The following COL21A1 variants were observed in gnomAD, a reference collection of about 807,000 sequenced individuals.
COL21A1 encodes collagen type XXI alpha 1 chain.
COL21A1 carries 149 observed loss-of-function variants against 137.9 expected under a neutral mutation model. The ratio of observed to expected loss-of-function variants is 1.08; its 90% CI spans 0.95 to 1.24. The LOEUF is 1.24. Ranked by LOEUF, COL21A1 falls within the 50% of genes most tolerant of loss-of-function variation. The pLI, the probability that COL21A1 is intolerant of heterozygous loss-of-function variation, is 0.00. For synonymous variants in COL21A1, 456 were observed against 391.5 expected, an observed-to-expected ratio of 1.16 and a Z score of -1.95; for missense variants, 1,167 against 1,158.4, an observed-to-expected ratio of 1.01 and a Z score of -0.11.
chr6:56,159,225 C>T (rs1247226768), intron 9 of COL21A1, among the ~76,000 whole-genome samples: 2 of 152,102 alleles, frequency 1.3e-5, no homozygotes, highest in African/African-American at 4.8e-5. Context: ...TACTGAAATG[C>T]TATGATAGCT....
At chr6:56,183,229 A>G (rs1778028564) in intron 1 of COL21A1, among the ~76,000 whole-genome samples, 1 of 152,144 alleles carries the variant, frequency 6.6e-6, no homozygotes, top group Non-Finnish European at 1.5e-5. Flanking sequence ...GTTGCAAGAG[A>G]TTGTCATTCA....
chr6:56,308,342 C>A (rs939906024), intron 1 of COL21A1, among the ~76,000 whole-genome samples: 3 of 152,166 alleles, frequency 2.0e-5, no homozygotes, highest in African/African-American at 7.2e-5. Context: ...ACTTCCCAGC[C>A]CCCAGGACTG....
At chr6:56,380,004 G>A (rs187118295) in intron 1 of COL21A1, among the ~76,000 whole-genome samples, 1 of 152,252 alleles carries the variant, frequency 6.6e-6, no homozygotes, top group Non-Finnish European at 1.5e-5. Context: ...CAAATCTCCT[G>A]TTGAAATGCA....
At chr6:56,199,976 G>C (rs1052799304) in intron 1 of COL21A1, among the ~76,000 whole-genome samples, 15 of 152,246 alleles carry the variant, frequency 9.9e-5, no homozygotes, top group African/African-American at 3.6e-4. Flanking sequence ...ATCACTTGAG[G>C]CCAGGAGGAG....
chr6:56,100,376 T>C (rs1382702180), intron 17 of COL21A1, among the ~76,000 whole-genome samples: 1 of 152,184 alleles, frequency 6.6e-6, no homozygotes, highest in Non-Finnish European at 1.5e-5. Flanking sequence ...TTGTGCAATG[T>C]TTTTACAATT....
chr6:56,262,269 C>G (rs181639798), intron 1 of COL21A1, among the ~76,000 whole-genome samples: 1 of 152,178 alleles, frequency 6.6e-6, no homozygotes, highest in Non-Finnish European at 1.5e-5. Context: ...TCCTTCTTCT[C>G]TCAACTTAGA....
At chr6:56,360,493 G>T (rs531178358) in intron 1 of COL21A1, among the ~76,000 whole-genome samples, 1 of 152,228 alleles carries the variant, frequency 6.6e-6, no homozygotes, top group Non-Finnish European at 1.5e-5. Context: ...AGAGTTAACA[G>T]AAATAGAAAC....
chr6:56,197,151 C>T (rs899287886), intron 1 of COL21A1, among the ~76,000 whole-genome samples: 5 of 151,982 alleles, frequency 3.3e-5, no homozygotes, highest in African/African-American at 1.2e-4. Flanking sequence ...GCTGGGAAAA[C>T]TAGATATCCA....
chr6:56,057,368 G>T lies in COL21A1; in HGVS notation c.*289C>A. ...ATTTCACAGTGACTAAAACTGACTG[G>T]CTAACAGGCAATGGTGGATTTTTAT... On this transcript the variant is annotated 3_prime_UTR_variant, in exon 30 of 30. Coordinates refer to ENST00000244728, the MANE Select transcript of COL21A1 (RefSeq NM_030820.4). The T allele has an allele frequency of 2.8e-6, 1 of 361,540 alleles. No individual in the cohort carries two copies. The highest frequency in any genetic ancestry group is 2.5e-5 in the South Asian group (1 of 39,444). 22.4% of individuals were successfully genotyped at this position (361,540 alleles called of 1,614,324 possible). A position where few individuals can be genotyped will look rare whatever the true frequency, so the allele number is the denominator to read the frequency against.
chr6:56,101,047 G>A (rs889483031), intron 17 of COL21A1, among the ~76,000 whole-genome samples: 18 of 152,124 alleles, frequency 1.2e-4, no homozygotes, highest in African/African-American at 3.1e-4. Flanking sequence ...CCTGGGACAT[G>A]TGCTAAAAAT....
At chr6:56,075,437 C>A in intron 19 of COL21A1, 42 bp downstream of exon 19, 1 of 1,499,498 alleles carries the variant, frequency 6.7e-7, no homozygotes, top group South Asian at 1.3e-5. Flanking sequence ...AGTAGCAACA[C>A]TGCAAACACT....
intron 1 of COL21A1, among the ~76,000 whole-genome samples, chr6:56,284,517 ACTATGG>A (rs1763858077): frequency 6.6e-6 from 1 of 152,154 alleles, no homozygotes; most frequent in Admixed American, 6.5e-5. Flanking sequence ...GTGTCTACTG[ACTATGG>A]CTTTTCATCT....
intron 1 of COL21A1, among the ~76,000 whole-genome samples, chr6:56,256,298 T>G (rs952141106): frequency 1.3e-5 from 2 of 152,198 alleles, no homozygotes; most frequent in African/African-American, 4.8e-5. Flanking sequence ...TGCAACACCT[T>G]TATTTCTGGT....
At chr6:56,292,312 C>G (rs1764064220) in intron 1 of COL21A1, among the ~76,000 whole-genome samples, 1 of 151,816 alleles carries the variant, frequency 6.6e-6, no homozygotes, top group Non-Finnish European at 1.5e-5. Context: ...TTTTCTTGGT[C>G]CTTCCTTAAT....
intron 1 of COL21A1, among the ~76,000 whole-genome samples, chr6:56,351,536 G>C (rs1044115785): frequency 1.3e-5 from 2 of 152,186 alleles, no homozygotes; most frequent in African/African-American, 4.8e-5. Flanking sequence ...AGAGACTTTG[G>C]AGAGGGGAAT....
At chr6:56,088,238 C>T (rs1768445661) in intron 17 of COL21A1, among the ~76,000 whole-genome samples, 1 of 152,022 alleles carries the variant, frequency 6.6e-6, no homozygotes, top group South Asian at 2.1e-4. Context: ...GTGGCACATG[C>T]CTATAATCTC....
In COL21A1 at chr6:56,125,753, G is replaced by A. The variant is rs377401328; in HGVS notation, c.1597-133C>T. On this transcript the variant is annotated intron_variant, in intron 13 of 29. Coordinates refer to ENST00000244728, the MANE Select transcript of COL21A1 (RefSeq NM_030820.4). ...CAAAATAGAAATAAAATAATTTAAA[G>A]TTTGCTTTAAAAGGCCCTCATTTCC... 13 of 623,202 alleles carry A rather than the reference G, an allele frequency of 2.1e-5. No individual in the cohort carries two copies. The South Asian group carries it at 2.2e-4, about 10-fold the overall frequency. 38.6% of individuals were successfully genotyped at this position (623,202 alleles called of 1,614,324 possible).
At chr6:56,186,519 T>C (rs558185652) in intron 1 of COL21A1, among the ~76,000 whole-genome samples, 2 of 151,970 alleles carry the variant, frequency 1.3e-5, no homozygotes, top group African/African-American at 4.8e-5. Context: ...TGGGCACAAA[T>C]GAGAAATAAA....
chr6:56,322,384 C>T (rs1175694549), intron 1 of COL21A1, among the ~76,000 whole-genome samples: 1 of 152,144 alleles, frequency 6.6e-6, no homozygotes, highest in African/African-American at 2.4e-5. Context: ...ACTACCACTT[C>T]TTCAAGCGTC....
Sources: allele counts gnomAD v4.1 joint callset (sites outside exome capture counted in the v4.1 genomes callset), GRCh38; gene constraint gnomAD v4.1.1; transcripts MANE v1.5; gene names NCBI Gene and HGNC (gene_info 2026-07-23, HGNC 2026-07-21).